TMEM232: variants seen among roughly 807,000 people sequenced by gnomAD.
TMEM232 encodes the protein transmembrane protein 232.
In TMEM232, 80 loss-of-function variants were observed where a neutral mutation model predicts 78.8. That is an observed-to-expected ratio of 1.01 (90% CI 0.85 to 1.22). The LOEUF (loss-of-function observed/expected upper bound fraction) is 1.22, where lower values mean the gene tolerates loss of function less well. Ranked by LOEUF, TMEM232 falls within the 50% of genes most tolerant of loss-of-function variation. The probability of loss-of-function intolerance (pLI) is 0.00; values close to 1 mark genes in which losing one functional copy is unlikely to be tolerated. For missense variants in TMEM232, 881 were observed against 742.2 expected, an observed-to-expected ratio of 1.19 and a Z score of -2.17; for synonymous variants, 297 against 254.3, an observed-to-expected ratio of 1.17 and a Z score of -1.60.
intron 7 of TMEM232, among the ~76,000 whole-genome samples, chr5:110,622,556 G>A (rs977925593): frequency 1.3e-5 from 2 of 152,022 alleles, no homozygotes; most frequent in East Asian, 1.9e-4. Context: ...ATTCCATGGT[G>A]TATATGTGCC....
Position 110,617,996 on chromosome 5 carries a change from G to A in TMEM232, c.902+433C>T, listed in dbSNP as rs147239834. The A allele has an allele frequency of 2.5e-3, 450 of 176,870 alleles. 7 individuals carry two copies. The highest frequency in any genetic ancestry group is 0.01 in the African/African-American group (426 of 41,660). 11.0% of individuals were successfully genotyped at this position (176,870 alleles called of 1,614,324 possible). On this transcript the variant is annotated intron_variant, in intron 8 of 13. Coordinates refer to ENST00000455884, the MANE Select transcript of TMEM232 (RefSeq NM_001039763.4). ...ACTGCATTCCAGCCTGGGTGACAGA[G>A]TGAGACCAAAAAAAATTTTTTTTTA...
Position 110,432,351 on chromosome 5 carries a change from A to T in TMEM232, c.1704-7435T>A, listed in dbSNP as rs183936769. On this transcript the variant is annotated intron_variant, in intron 12 of 13. Coordinates refer to ENST00000455884, the MANE Select transcript of TMEM232 (RefSeq NM_001039763.4). ...CATTTAGCATTCTGAAAGAAAATAAATGCCAGTAAAGAATTTCAAATCCTG... is the reference window on the plus strand; with the variant it reads ...CATTTAGCATTCTGAAAGAAAATAATTGCCAGTAAAGAATTTCAAATCCTG... 6.6e-5 allele frequency among the ~76,000 whole-genome samples: 10 copies of T among 151,888 alleles called. No individual in the cohort carries two copies. The East Asian group carries it at 1.9e-3, about 29-fold the overall frequency.
intron 12 of TMEM232, among the ~76,000 whole-genome samples, chr5:110,509,934 A>G (rs1333893722): frequency 6.6e-6 from 1 of 152,166 alleles, no homozygotes; most frequent in Admixed American, 6.6e-5. Context: ...ACAATCTTTT[A>G]TAAATTTTTC....
chr5:110,539,994 T>C (rs1204861782), intron 11 of TMEM232, among the ~76,000 whole-genome samples: 2 of 152,094 alleles, frequency 1.3e-5, no homozygotes, highest in Admixed American at 6.5e-5. Flanking sequence ...TTTGGGATCA[T>C]AGTAAAGCCC....
At chr5:110,548,441 T>G (rs1774054972) in intron 11 of TMEM232, among the ~76,000 whole-genome samples, 1 of 150,764 alleles carries the variant, frequency 6.6e-6, no homozygotes, top group Non-Finnish European at 1.5e-5. Flanking sequence ...TAAAATTTAT[T>G]TACATTAAAT....
intron 12 of TMEM232, among the ~76,000 whole-genome samples, chr5:110,459,129 T>C (rs933899357): frequency 2.0e-5 from 3 of 152,194 alleles, no homozygotes; most frequent in African/African-American, 7.2e-5. Flanking sequence ...TTTACATATT[T>C]CCCTGTAGCA....
chr5:110,738,643 G>A (rs371007253), upstream of TMEM232: 4 of 205,252 alleles, frequency 1.9e-5, no homozygotes, highest in South Asian at 6.7e-5. Context: ...CTCGGAGCAG[G>A]CGAGGCACCA....
chr5:110,571,853 A>C (rs1776979259), intron 10 of TMEM232, among the ~76,000 whole-genome samples: 1 of 151,984 alleles, frequency 6.6e-6, no homozygotes, highest in African/African-American at 2.4e-5. Context: ...CTAAAGATAA[A>C]GGGGATCAGA....
At chr5:110,399,774 T>C (rs898243930) in intron 2 of TMEM232, among the ~76,000 whole-genome samples, 2 of 152,130 alleles carry the variant, frequency 1.3e-5, no homozygotes, top group African/African-American at 2.4e-5. Flanking sequence ...TTTATGCAAG[T>C]TTAGATCCAA....
At chr5:110,584,323 G>T (rs1051548225) in intron 10 of TMEM232, among the ~76,000 whole-genome samples, 1 of 151,626 alleles carries the variant, frequency 6.6e-6, no homozygotes, top group Admixed American at 6.6e-5. Flanking sequence ...ACACCAAGAA[G>T]AAAAAGAAAA....
At chr5:110,664,474 A>G (rs983087519) in intron 2 of TMEM232, among the ~76,000 whole-genome samples, 2 of 152,244 alleles carry the variant, frequency 1.3e-5, no homozygotes, top group African/African-American at 2.4e-5. Flanking sequence ...CACAATTACT[A>G]TAGTTGAAAG....
At chr5:110,447,173 A>G (rs1335746487) in intron 12 of TMEM232, among the ~76,000 whole-genome samples, 1 of 151,346 alleles carries the variant, frequency 6.6e-6, no homozygotes, top group Non-Finnish European at 1.5e-5. Context: ...ATTTATAATT[A>G]GCTTTTGCAG....
chr5:110,627,919 A>C, intron 5 of TMEM232, 39 bp from the exon 6 acceptor site: 1 of 1,307,470 alleles, frequency 7.6e-7, no homozygotes. Flanking sequence ...TTTGTGTTGC[A>C]TCAATAAATG....
intron 12 of TMEM232, among the ~76,000 whole-genome samples, chr5:110,513,377 T>A (rs1159774497): frequency 3.3e-5 from 5 of 152,060 alleles, no homozygotes; most frequent in Non-Finnish European, 5.9e-5. Flanking sequence ...AGAAAATAAC[T>A]GGAAACCATA....
intron 8 of TMEM232, among the ~76,000 whole-genome samples, chr5:110,612,110 ATTAC>A (rs571336240): frequency 5.9e-4 from 90 of 152,264 alleles, no homozygotes; most frequent in Non-Finnish European, 1.1e-3. Context: ...TGTTTTTCAT[ATTAC>A]TTATCTCATT....
chr5:110,451,971 G>A (rs1361760944), intron 12 of TMEM232, among the ~76,000 whole-genome samples: 1 of 152,006 alleles, frequency 6.6e-6, no homozygotes, highest in Non-Finnish European at 1.5e-5. Context: ...AGAAGTTTCA[G>A]CTACTATTTT....
At chr5:110,724,707 T>C (rs1056862422) in intron 1 of TMEM232, among the ~76,000 whole-genome samples, 3 of 151,554 alleles carry the variant, frequency 2.0e-5, no homozygotes, top group East Asian at 1.9e-4. Flanking sequence ...AAATCAACTA[T>C]TTTTATTTAT....
intron 1 of TMEM232, among the ~76,000 whole-genome samples, chr5:110,723,450 T>C (rs1797846932): frequency 6.6e-6 from 1 of 152,188 alleles, no homozygotes; most frequent in Non-Finnish European, 1.5e-5. Flanking sequence ...GGCTAGTACA[T>C]TGATCACAAG....
rs1271015338 is a variant in TMEM232 at position 110,527,970 on chromosome 5, A to T, written c.1703+618T>A. ...AGGAGTGATTTTTCATCTATTTTTA[A>T]AATCTGTCTAAAAGTGACTTTTAAC... On this transcript the variant is annotated intron_variant, in intron 12 of 13. Transcript: ENST00000455884. Among the ~76,000 whole-genome samples the T allele has an allele frequency of 2.0e-5, 3 of 152,106 alleles. No homozygotes were observed. The East Asian group carries it at 5.8e-4, about 29-fold the overall frequency.
Sources: gnomAD v4.1 joint callset for allele counts (sites outside exome capture counted in the v4.1 genomes callset) on GRCh38, gnomAD v4.1.1 for gene constraint, MANE v1.5 for transcripts, NCBI Gene and HGNC (gene_info 2026-07-23, HGNC 2026-07-21) for gene names.